The following PDE4B variants were observed in gnomAD, a reference collection of about 807,000 sequenced individuals.
The protein encoded by PDE4B is 3',5'-cyclic-AMP phosphodiesterase 4B.
PDE4B carries 20 observed loss-of-function variants against 82.2 expected under a neutral mutation model. That is an observed-to-expected ratio of 0.24 (90% CI 0.17 to 0.35). The LOEUF (loss-of-function observed/expected upper bound fraction) is 0.35. PDE4B is among the 10% of genes least tolerant of loss of function. The probability of loss-of-function intolerance (pLI) is 1.00; values close to 1 mark genes in which losing one functional copy is unlikely to be tolerated. For missense variants in PDE4B, 655 were observed against 907.2 expected, an observed-to-expected ratio of 0.72 and a Z score of 3.57; for synonymous variants, 320 against 318.9, an observed-to-expected ratio of 1.00 and a Z score of -0.04.
chr1:66,329,784 C>T (rs1659981434), intron 7 of PDE4B, among the ~76,000 whole-genome samples: 2 of 152,182 alleles, frequency 1.3e-5, no homozygotes, highest in Non-Finnish European at 2.9e-5. Flanking sequence ...TAGGACCACA[C>T]AGTAAGTGGT....
At chr1:65,981,485 T>C (rs1472699399) in intron 3 of PDE4B, among the ~76,000 whole-genome samples, 4 of 152,018 alleles carry the variant, frequency 2.6e-5, no homozygotes, top group East Asian at 1.9e-4. Context: ...TTGGAGTTAA[T>C]AGGTTTTTAA....
At chr1:65,911,097 TTATCATAC>T (rs1569648124) in intron 1 of PDE4B, among the ~76,000 whole-genome samples, 3 of 152,302 alleles carry the variant, frequency 2.0e-5, no homozygotes, top group African/African-American at 7.2e-5. Flanking sequence ...ATATAGTAAG[TTATCATAC>T]TCAAAGGATC....
chr1:65,822,569 G>A (rs1021367783), intron 1 of PDE4B, among the ~76,000 whole-genome samples: 1 of 152,132 alleles, frequency 6.6e-6, no homozygotes, highest in African/African-American at 2.4e-5. Flanking sequence ...AACCCCAAAC[G>A]TGGCAGTACT....
intron 3 of PDE4B, among the ~76,000 whole-genome samples, chr1:66,215,097 A>G (rs1240331180): frequency 6.6e-6 from 1 of 152,128 alleles, no homozygotes; most frequent in African/African-American, 2.4e-5. Flanking sequence ...GGGTGTTTTG[A>G]CAGGCAGACA....
At chr1:66,091,504 A>G (rs927606695) in intron 3 of PDE4B, among the ~76,000 whole-genome samples, 4 of 152,122 alleles carry the variant, frequency 2.6e-5, no homozygotes, top group Admixed American at 1.3e-4. Flanking sequence ...TCACATGGTT[A>G]TTTGATTTCT....
At chr1:66,068,805 A>G (rs1656003105) in intron 3 of PDE4B, among the ~76,000 whole-genome samples, 1 of 151,972 alleles carries the variant, frequency 6.6e-6, no homozygotes, top group East Asian at 1.9e-4. Context: ...ATCATTTTTC[A>G]TTGCTTTGAT....
intron 7 of PDE4B, among the ~76,000 whole-genome samples, chr1:66,329,508 T>C (rs1165063376): frequency 6.6e-6 from 1 of 152,210 alleles, no homozygotes; most frequent in Admixed American, 6.5e-5. Flanking sequence ...TTTCAAATTA[T>C]GCAGCTGATT....
chr1:66,201,169 G>A (rs1381375562), intron 3 of PDE4B, among the ~76,000 whole-genome samples: 12 of 152,088 alleles, frequency 7.9e-5, no homozygotes, highest in South Asian at 2.1e-4. Context: ...TGCATGTTGA[G>A]CCAGCCTTGC....
At chr1:65,793,816 A>G (rs1241803696) in intron 1 of PDE4B, among the ~76,000 whole-genome samples, 1 of 152,176 alleles carries the variant, frequency 6.6e-6, no homozygotes, top group East Asian at 1.9e-4. Context: ...TCTAGCTACA[A>G]GAGTGTGTTG....
At chr1:66,000,059 C>T (rs1159731380) in intron 3 of PDE4B, among the ~76,000 whole-genome samples, 1 of 152,162 alleles carries the variant, frequency 6.6e-6, no homozygotes, top group African/African-American at 2.4e-5. Flanking sequence ...TACATAGTAG[C>T]CTATTTAATT....
At chr1:66,233,295 C>T (rs187084695) in intron 3 of PDE4B, among the ~76,000 whole-genome samples, 8 of 152,292 alleles carry the variant, frequency 5.3e-5, no homozygotes, top group African/African-American at 1.9e-4. Flanking sequence ...ATCCATGTTA[C>T]GGCAGTTGTC....
intron 1 of PDE4B, among the ~76,000 whole-genome samples, chr1:65,877,921 AAG>A (rs1646665057): frequency 6.6e-6 from 1 of 152,174 alleles, no homozygotes; most frequent in Non-Finnish European, 1.5e-5. Flanking sequence ...TGCACAGCAA[AAG>A]AAACTATCAT....
intron 1 of PDE4B, among the ~76,000 whole-genome samples, chr1:65,851,072 A>T (rs1399887264): frequency 6.6e-6 from 1 of 152,196 alleles, no homozygotes; most frequent in African/African-American, 2.4e-5. Flanking sequence ...TTAGCTAAAA[A>T]GTCTTTCTAT....
chr1:66,067,686 A>G (rs1462283299), intron 3 of PDE4B, among the ~76,000 whole-genome samples: 17 of 151,976 alleles, frequency 1.1e-4, no homozygotes, highest in Non-Finnish European at 1.3e-4. Flanking sequence ...GAAGTTCTTT[A>G]GTTTAATTAG....
intron 3 of PDE4B, among the ~76,000 whole-genome samples, chr1:65,984,746 A>G (rs1021572944): frequency 5.9e-5 from 9 of 152,132 alleles, no homozygotes; most frequent in African/African-American, 2.2e-4. Context: ...ACAGAGTGAG[A>G]TTCCATCTCA....
chr1:66,061,518 C>A (rs1352038928), intron 3 of PDE4B, among the ~76,000 whole-genome samples: 1 of 151,868 alleles, frequency 6.6e-6, no homozygotes, highest in Non-Finnish European at 1.5e-5. Flanking sequence ...AGTCTCTAAG[C>A]CTTTGTCCAA....
intron 3 of PDE4B, among the ~76,000 whole-genome samples, chr1:66,129,671 A>C (rs1472811547): frequency 0.018 from 1,027 of 56,086 alleles, 46 homozygotes; most frequent in African/African-American, 0.07. Context: ...AAAAAAAAAA[A>C]ACAAAAAAAC....
chr1:66,025,313 A>G (rs1279211222), intron 3 of PDE4B, among the ~76,000 whole-genome samples: 2 of 152,192 alleles, frequency 1.3e-5, no homozygotes, highest in African/African-American at 2.4e-5. Flanking sequence ...TGTACTTTCA[A>G]TATAAAAGTA....
chr1:65,964,274 G>A (rs943894834), intron 3 of PDE4B, among the ~76,000 whole-genome samples: 2 of 151,970 alleles, frequency 1.3e-5, no homozygotes, highest in Non-Finnish European at 2.9e-5. Context: ...GTCTTCCCAG[G>A]TTACATGCCA....
Sources: allele counts gnomAD v4.1 joint callset (sites outside exome capture counted in the v4.1 genomes callset), GRCh38; gene constraint gnomAD v4.1.1; transcripts MANE v1.5; gene names NCBI Gene and HGNC (gene_info 2026-07-23, HGNC 2026-07-21).